The following CACNA2D3 variants were observed in gnomAD, a reference collection of about 807,000 sequenced individuals.
CACNA2D3 encodes voltage-dependent calcium channel subunit alpha-2/delta-3.
A neutral mutation model predicts 160.6 loss-of-function variants in CACNA2D3; 60 were observed. That is an observed-to-expected ratio of 0.37 (90% confidence interval 0.30 to 0.46). The LOEUF (loss-of-function observed/expected upper bound fraction) is 0.46. Ranked by LOEUF, CACNA2D3 falls within the 20% of genes least tolerant of loss-of-function variation. The pLI is 1.00. For missense variants in CACNA2D3, 1,205 were observed against 1,365.0 expected (o/e 0.88, Z 1.85); for synonymous variants, 558 against 492.9 (o/e 1.13, Z -1.75).
chr3:54,280,539 C>T (rs1379363282), intron 2 of CACNA2D3, among the ~76,000 whole-genome samples: 1 of 147,052 alleles, frequency 6.8e-6, no homozygotes, highest in Non-Finnish European at 1.5e-5. Context: ...GAACACTGTA[C>T]TAAAAGAGGG....
chr3:54,236,628 A>T (rs906978103), intron 2 of CACNA2D3, among the ~76,000 whole-genome samples: 5 of 152,126 alleles, frequency 3.3e-5, no homozygotes, highest in Non-Finnish European at 7.4e-5. Context: ...CTGTGCATAG[A>T]AGTTGTCAAA....
chr3:54,623,280 G>A (rs987285852), intron 9 of CACNA2D3, among the ~76,000 whole-genome samples: 3 of 152,204 alleles, frequency 2.0e-5, no homozygotes, highest in African/African-American at 7.2e-5. Flanking sequence ...CCGTGCGGTG[G>A]CAGGATGATT....
chr3:55,017,948 G>A (rs1475462190), intron 34 of CACNA2D3, among the ~76,000 whole-genome samples: 1 of 152,162 alleles, frequency 6.6e-6, no homozygotes, highest in Admixed American at 6.5e-5. Flanking sequence ...GACTGATGTT[G>A]TCCCAGAAAG....
At chr3:54,735,985 ATATATATACATATATATATATG>A (rs1701491919) in intron 11 of CACNA2D3, among the ~76,000 whole-genome samples, 1 of 90,298 alleles carries the variant, frequency 1.1e-5, no homozygotes, top group African/African-American at 4.0e-5. Flanking sequence ...ATGCATGTAT[ATATATATACATATATATATATG>A]TATATATATA....
At chr3:54,826,181 T>C (rs2106735943) in intron 14 of CACNA2D3, among the ~76,000 whole-genome samples, 1 of 152,310 alleles carries the variant, frequency 6.6e-6, no homozygotes, top group South Asian at 2.1e-4. Context: ...TTTCCAGTCA[T>C]GTTACTCACT....
chr3:54,698,145 A>G (rs1404254693), intron 11 of CACNA2D3, among the ~76,000 whole-genome samples: 1 of 150,474 alleles, frequency 6.6e-6, no homozygotes, highest in Non-Finnish European at 1.5e-5. Context: ...ATTGACTACT[A>G]TGGGTGCTCC....
intron 3 of CACNA2D3, among the ~76,000 whole-genome samples, chr3:54,380,175 A>G (rs1226650728): frequency 6.6e-6 from 1 of 152,224 alleles, no homozygotes; most frequent in East Asian, 1.9e-4. Context: ...TAAGTACGGG[A>G]AACAAATCAA....
Position 54,728,378 on chromosome 3 carries a change from T to A in CACNA2D3, c.1168-24221T>A, listed in dbSNP as rs1256880719. ...TCTTCTATTAAATAGATATGATGAA[T>A]TCTTAATTTTAATCAATGTTTTCAA... is the stretch of plus-strand genomic sequence containing the variant. On this transcript the variant is annotated intron_variant, in intron 11 of 37. Coordinates refer to ENST00000474759, the MANE Select transcript of CACNA2D3 (RefSeq NM_018398.3). 2.0e-5 allele frequency among the ~76,000 whole-genome samples: 3 copies of A among 152,214 alleles called. No individual in the cohort carries two copies. The East Asian group carries it at 5.8e-4, about 29-fold the overall frequency.
At position 54,880,882 on chromosome 3, in the gene CACNA2D3, C is replaced by T. The variant is rs745633697; in HGVS notation, c.1912+19C>T. 2.5e-5 allele frequency: 41 copies of T among 1,609,194 alleles called. No individual in the cohort carries two copies. The Admixed American group carries it at 2.7e-4, about 10-fold the overall frequency. ...GAAGAAGGTAAGATACTGCCTGGCT[C>T]GTCTTATCCTTTGGTGTGGGAGGAA... On this transcript the variant is annotated intron_variant, in intron 21 of 37. Transcript: ENST00000474759.
At chr3:54,519,337 C>T (rs540960704) in intron 5 of CACNA2D3, among the ~76,000 whole-genome samples, 22 of 152,270 alleles carry the variant, frequency 1.4e-4, no homozygotes, top group African/African-American at 4.8e-4. Flanking sequence ...TGAGTAGGCC[C>T]GAACTGCCTT....
At chr3:54,433,486 C>T (rs182704522) in intron 4 of CACNA2D3, among the ~76,000 whole-genome samples, 1 of 152,306 alleles carries the variant, frequency 6.6e-6, no homozygotes, top group Admixed American at 6.5e-5. Flanking sequence ...CAAAGTAACA[C>T]CTGAATCCAT....
At chr3:54,822,779 T>G (rs1365980021) in intron 14 of CACNA2D3, among the ~76,000 whole-genome samples, 1 of 87,954 alleles carries the variant, frequency 1.1e-5, no homozygotes, top group African/African-American at 4.4e-5. Context: ...TCTTTCTTTC[T>G]TTCTTTCTTT....
chr3:54,525,823 G>A (rs530045437), intron 5 of CACNA2D3, among the ~76,000 whole-genome samples: 3 of 150,712 alleles, frequency 2.0e-5, no homozygotes, highest in Non-Finnish European at 3.0e-5. Context: ...ATCTGTTTGC[G>A]TTTATATGAA....
chr3:54,850,350 CT>C (rs1449133564), intron 17 of CACNA2D3, among the ~76,000 whole-genome samples: 5 of 152,328 alleles, frequency 3.3e-5, no homozygotes, highest in African/African-American at 1.2e-4. Flanking sequence ...TGATTAAATG[CT>C]CTTGATCTTG....
Position 54,630,143 on chromosome 3 carries a change from C to T in CACNA2D3, c.1053+2267C>T, listed in dbSNP as rs555642996. Among the ~76,000 whole-genome samples, 35 of 152,236 alleles carry T rather than the reference C, an allele frequency of 2.3e-4. 1 individual carries two copies. The East Asian group carries it at 2.7e-3, about 12-fold the overall frequency. On this transcript the variant is annotated intron_variant, in intron 10 of 37. Transcript: ENST00000474759. ...GAGGTGGTCCTGGTGGTCCCTTTCT[C>T]GTGGGGTTGAGATTCAGCCTGATGA...
chr3:54,918,771 C>A, intron 27 of CACNA2D3: 1 of 1,614,076 alleles, frequency 6.2e-7, no homozygotes, highest in Non-Finnish European at 8.5e-7. Context: ...ACTGAGCCTG[C>A]GAGGACACTG....
intron 11 of CACNA2D3, among the ~76,000 whole-genome samples, chr3:54,725,011 G>A (rs928059025): frequency 1.3e-5 from 2 of 152,072 alleles, no homozygotes; most frequent in African/African-American, 4.8e-5. Flanking sequence ...AAAATAGATA[G>A]ACTCCTAGCC....
At chr3:54,483,348 G>A (rs1700963977) in intron 4 of CACNA2D3, among the ~76,000 whole-genome samples, 3 of 152,136 alleles carry the variant, frequency 2.0e-5, no homozygotes, top group Admixed American at 1.3e-4. Context: ...AGTTGATTAG[G>A]TGGAAGTGTT....
chr3:54,495,942 T>C (rs1436414469), intron 4 of CACNA2D3, among the ~76,000 whole-genome samples: 2 of 152,238 alleles, frequency 1.3e-5, no homozygotes, highest in Non-Finnish European at 2.9e-5. Context: ...CTCTGGTTTC[T>C]TTTACTCAGA....
Sources: allele counts gnomAD v4.1 joint callset (sites outside exome capture counted in the v4.1 genomes callset), GRCh38; gene constraint gnomAD v4.1.1; transcripts MANE v1.5; gene names NCBI Gene and HGNC (gene_info 2026-07-23, HGNC 2026-07-21).